RGS6: variants seen among roughly 807,000 people sequenced by gnomAD.
RGS6 encodes regulator of G-protein signaling 6.
A neutral mutation model predicts 78.5 loss-of-function variants in RGS6; 30 were observed. The observed-to-expected ratio is 0.38, with a 90% CI of 0.29 to 0.52. The LOEUF (loss-of-function observed/expected upper bound fraction) is 0.52, where lower values mean the gene tolerates loss of function less well. Among genes scored for constraint, RGS6 ranks in the 20% least tolerant of loss-of-function variants. The pLI is 0.85. For missense variants in RGS6, 495 were observed against 609.7 expected (o/e 0.81, Z 1.98); for synonymous variants, 206 against 206.0 (o/e 1.00, Z 0.00).
intron 1 of RGS6, among the ~76,000 whole-genome samples, chr14:71,957,388 G>A (rs1416188977): frequency 6.6e-6 from 1 of 152,204 alleles, no homozygotes; most frequent in Non-Finnish European, 1.5e-5. Flanking sequence ...GAGCCAGGAG[G>A]CTGCCTGCCC....
intron 5 of RGS6, 107 bp from the exon 6 acceptor site, chr14:72,459,522 CAAG>C (rs2095719756): frequency 1.0e-6 from 1 of 976,662 alleles, no homozygotes; most frequent in Non-Finnish European, 1.6e-6. Flanking sequence ...GTAGCATCAG[CAAG>C]AAGGAGATGG....
chr14:72,465,586 A>G (rs1344822944), intron 6 of RGS6, among the ~76,000 whole-genome samples, 172 bp from the exon 7 acceptor site: 46 of 147,478 alleles, frequency 3.1e-4, no homozygotes, highest in African/African-American at 1.0e-3. Context: ...GGATGGATGG[A>G]TGGATGGATG....
chr14:72,398,617 T>A (rs1465462803), intron 3 of RGS6, among the ~76,000 whole-genome samples: 1 of 152,200 alleles, frequency 6.6e-6, no homozygotes, highest in Non-Finnish European at 1.5e-5. Context: ...TTGCTCTTGC[T>A]TCTCTAGTTC....
At chr14:72,131,015 C>T (rs2096302508) in intron 2 of RGS6, among the ~76,000 whole-genome samples, 1 of 152,080 alleles carries the variant, frequency 6.6e-6, no homozygotes, top group African/African-American at 2.4e-5. Flanking sequence ...GGGGAAAGCT[C>T]AACTCTTCTG....
chr14:72,387,866 C>T (rs112886888), intron 3 of RGS6, among the ~76,000 whole-genome samples: 2,222 of 152,256 alleles, frequency 0.015, 65 homozygotes, highest in African/African-American at 0.05. Context: ...TTGGTTTCTT[C>T]GGAGACTTCT....
Position 72,218,243 on chromosome 14 carries a change from A to G in RGS6, c.85-133852A>G, listed in dbSNP as rs189799544. On this transcript the variant is annotated intron_variant, in intron 2 of 17. Transcript: ENST00000553525. Reference sequence around the variant, plus strand: ...AAAGGCTATGTTCATTTTAAATTCTATTAGTATTATAATATGACTTTCCTA... The same window carrying G: ...AAAGGCTATGTTCATTTTAAATTCTGTTAGTATTATAATATGACTTTCCTA... 5.2e-3 allele frequency among the ~76,000 whole-genome samples: 791 copies of G among 152,162 alleles called. 8 individuals are homozygous for G. Among genetic ancestry groups the G allele is most frequent in the Non-Finnish European group, 5.6e-3 (379 of 68,000 alleles).
chr14:72,298,152 T>A (rs1425035517), intron 2 of RGS6, among the ~76,000 whole-genome samples: 1 of 152,002 alleles, frequency 6.6e-6, no homozygotes, highest in African/African-American at 2.4e-5. Flanking sequence ...GTGAGGGAAG[T>A]TTTTTCTTTC....
At chr14:72,234,604 A>G (rs1242741944) in intron 2 of RGS6, among the ~76,000 whole-genome samples, 2 of 152,082 alleles carry the variant, frequency 1.3e-5, no homozygotes, top group Non-Finnish European at 2.9e-5. Flanking sequence ...TCTTGGCTCC[A>G]GTGCCACCCT....
At chr14:72,483,452 G>T (rs935527414) in intron 12 of RGS6, among the ~76,000 whole-genome samples, 3 of 152,158 alleles carry the variant, frequency 2.0e-5, no homozygotes, top group Non-Finnish European at 4.4e-5. Context: ...GAAATTGGAT[G>T]CTGGTTCTTC....
chr14:72,567,357 C>G (rs1313130309), downstream of RGS6, among the ~76,000 whole-genome samples: 1 of 152,206 alleles, frequency 6.6e-6, no homozygotes, highest in Non-Finnish European at 1.5e-5. Context: ...ACCATGGCCA[C>G]CACCTCCAGG....
intron 2 of RGS6, among the ~76,000 whole-genome samples, chr14:72,068,422 A>G (rs748469069): frequency 6.6e-6 from 1 of 151,726 alleles, no homozygotes; most frequent in East Asian, 1.9e-4. Context: ...GGCGTGAGCC[A>G]CTGCATCTGG....
chr14:71,913,583 T>C, the RGS6 span, among the ~76,000 whole-genome samples: 4 of 152,340 alleles, frequency 2.6e-5, no homozygotes, highest in African/African-American at 7.2e-5. Context: ...GGAAAGGCCA[T>C]GTACTTGCTT....
the RGS6 span, among the ~76,000 whole-genome samples, chr14:71,917,859 G>A: frequency 6.6e-6 from 1 of 152,010 alleles, no homozygotes; most frequent in Non-Finnish European, 1.5e-5. Context: ...GGACTTCTTA[G>A]CGGTGGGGTT....
the RGS6 span, among the ~76,000 whole-genome samples, chr14:71,893,226 G>A: frequency 8.5e-5 from 13 of 152,218 alleles, no homozygotes; most frequent in South Asian, 4.1e-4. Flanking sequence ...CCCCATCTCT[G>A]ACTTGCATTA....
the RGS6 span, chr14:72,620,044 T>C: frequency 6.8e-7 from 1 of 1,461,536 alleles, no homozygotes; most frequent in South Asian, 1.4e-5. Context: ...GGCCAATGTC[T>C]GGCCCCCGCT....
At chr14:72,241,752 T>A (rs1002414043) in intron 2 of RGS6, among the ~76,000 whole-genome samples, 26 of 152,258 alleles carry the variant, frequency 1.7e-4, no homozygotes, top group Admixed American at 3.9e-4. Flanking sequence ...TCTATTTTAA[T>A]GCCTAGAAAT....
intron 2 of RGS6, among the ~76,000 whole-genome samples, chr14:72,104,628 T>C (rs144583395): frequency 1.3e-4 from 20 of 152,194 alleles, no homozygotes; most frequent in African/African-American, 4.3e-4. Flanking sequence ...CCCCACACCT[T>C]CTCTGTTTGG....
chr14:72,118,580 A>G (rs2095966575), intron 2 of RGS6, among the ~76,000 whole-genome samples: 1 of 152,224 alleles, frequency 6.6e-6, no homozygotes, highest in Admixed American at 6.5e-5. Flanking sequence ...GCTACAGCCT[A>G]GGAGCAGAAC....
At chr14:72,116,579 G>A (rs1320354820) in intron 2 of RGS6, among the ~76,000 whole-genome samples, 2 of 151,712 alleles carry the variant, frequency 1.3e-5, no homozygotes, top group Non-Finnish European at 2.9e-5. Flanking sequence ...GTGTCACATG[G>A]GGCAAAATCA....
Sources: gnomAD v4.1 joint callset for allele counts (sites outside exome capture counted in the v4.1 genomes callset) on GRCh38, gnomAD v4.1.1 for gene constraint, MANE v1.5 for transcripts, NCBI Gene and HGNC (gene_info 2026-07-23, HGNC 2026-07-21) for gene names.